Variants in SCAPER observed in about 807,000 individuals in gnomAD.
The protein encoded by SCAPER is S phase cyclin A-associated protein in the endoplasmic reticulum.
SCAPER carries 98 observed loss-of-function variants against 182.2 expected under a neutral mutation model. That is an observed-to-expected ratio of 0.54 (90% CI 0.46 to 0.64). SCAPER has a LOEUF of 0.64. Among genes scored for constraint, SCAPER ranks in the 30% least tolerant of loss-of-function variants. The pLI is 0.00. For synonymous variants in SCAPER, 605 were observed against 564.6 expected, an observed-to-expected ratio of 1.07 and a Z score of -1.01; for missense variants, 1,432 against 1,690.0, an observed-to-expected ratio of 0.85 and a Z score of 2.68.
At chr15:76,487,914 T>C (rs1312507239) in intron 24 of SCAPER, among the ~76,000 whole-genome samples, 1 of 152,096 alleles carries the variant, frequency 6.6e-6, no homozygotes, top group Non-Finnish European at 1.5e-5. Context: ...CTGATTTAAT[T>C]TGATGGGAAA....
At chr15:76,542,056 G>A (rs157769) in intron 23 of SCAPER, among the ~76,000 whole-genome samples, 15,369 of 152,122 alleles carry the variant, frequency 0.1, 917 homozygotes, top group African/African-American at 0.16. Flanking sequence ...AAAAGGAGAA[G>A]CATTGAAAAC....
intron 17 of SCAPER, among the ~76,000 whole-genome samples, chr15:76,728,386 G>T (rs894334946): frequency 1.6e-4 from 24 of 151,854 alleles, no homozygotes; most frequent in East Asian, 1.2e-3. Context: ...TATATTTTTT[G>T]ATTTGAGTGT....
chr15:76,371,412 C>CAGGT (rs898579018), intron 29 of SCAPER, among the ~76,000 whole-genome samples: 1 of 151,714 alleles, frequency 6.6e-6, no homozygotes, highest in African/African-American at 2.4e-5. Flanking sequence ...CTCCGCCTCC[C>CAGGT]AGGTTCATGC....
chr15:76,552,774 G>A (rs977140258), intron 23 of SCAPER, among the ~76,000 whole-genome samples: 1 of 152,082 alleles, frequency 6.6e-6, no homozygotes, highest in African/African-American at 2.4e-5. Context: ...GTCAAGCACT[G>A]CTAGATGGCT....
chr15:76,447,256 C>T (rs1228498083), intron 25 of SCAPER, among the ~76,000 whole-genome samples: 1 of 152,144 alleles, frequency 6.6e-6, no homozygotes, highest in Non-Finnish European at 1.5e-5. Context: ...TTTTCCTCAT[C>T]CTATAAATCT....
intron 25 of SCAPER, among the ~76,000 whole-genome samples, chr15:76,455,103 T>C (rs1429041491): frequency 6.6e-6 from 1 of 152,164 alleles, no homozygotes; most frequent in African/African-American, 2.4e-5. Context: ...CAATTCTAAT[T>C]TATGAAGCCT....
chr15:76,595,257 T>C (rs1260826274), intron 22 of SCAPER, among the ~76,000 whole-genome samples: 1 of 121,268 alleles, frequency 8.2e-6, no homozygotes, highest in East Asian at 2.2e-4. Flanking sequence ...GGTAAAGGGA[T>C]CAATGCAACA....
rs894133283 is a variant in SCAPER, at chr15:76,530,085, G to A, written c.2839-25111C>T. Among the ~76,000 whole-genome samples the A allele has an allele frequency of 2.6e-5, 4 of 152,252 alleles. No homozygotes were observed. In the East Asian group the frequency reaches 7.7e-4, roughly 29 times the overall value. On this transcript the variant is annotated intron_variant, in intron 23 of 31. Transcript: ENST00000563290. ...GAGCAGGGTCTGACACACAGTTTAG[G>A]CATTCATATTGCTGGAGGAATGATC...
intron 22 of SCAPER, among the ~76,000 whole-genome samples, chr15:76,621,514 T>C (rs1265033394): frequency 6.6e-6 from 1 of 152,152 alleles, no homozygotes; most frequent in Non-Finnish European, 1.5e-5. Flanking sequence ...CTGAATAATA[T>C]ATAGCAGAAT....
intron 14 of SCAPER, among the ~76,000 whole-genome samples, chr15:76,763,816 C>T (rs866065289): frequency 1.4e-4 from 21 of 152,140 alleles, no homozygotes; most frequent in Admixed American, 3.3e-4. Flanking sequence ...TTCTTTCTCA[C>T]GGCTTCACTT....
rs552898735 is a variant in SCAPER, at chr15:76,840,994, T to C, written c.393+740A>G. On this transcript the variant is annotated intron_variant, in intron 5 of 31. Transcript: ENST00000563290. Reference sequence around the variant, plus strand: ...ATTAGAAGAGTGATAAGTATCTCAATGGAAAGGGAGTAATGTCCAATTAGA... The same window carrying C: ...ATTAGAAGAGTGATAAGTATCTCAACGGAAAGGGAGTAATGTCCAATTAGA... Among the ~76,000 whole-genome samples the C allele has an allele frequency of 4.1e-4, 62 of 152,258 alleles. 1 individual carries two copies. The South Asian group carries it at 0.012, about 31-fold the overall frequency.
intron 29 of SCAPER, among the ~76,000 whole-genome samples, chr15:76,368,559 T>C (rs1365522773): frequency 6.6e-6 from 1 of 152,262 alleles, no homozygotes; most frequent in Admixed American, 6.5e-5. Flanking sequence ...TTGCCTGTTC[T>C]GATCCGCCCA....
intron 23 of SCAPER, among the ~76,000 whole-genome samples, chr15:76,517,054 T>G (rs1334927124): frequency 6.6e-6 from 1 of 152,120 alleles, no homozygotes; most frequent in Non-Finnish European, 1.5e-5. Context: ...AGCTGGGGAC[T>G]GAGTCTAGGT....
At chr15:76,887,864 T>C (rs1007335153) in intron 1 of SCAPER, among the ~76,000 whole-genome samples, 2 of 152,212 alleles carry the variant, frequency 1.3e-5, no homozygotes, top group Non-Finnish European at 2.9e-5. Context: ...CATGGGTCCC[T>C]GACCCCCGTG....
chr15:76,591,937 G>A (rs1488362830), intron 22 of SCAPER, among the ~76,000 whole-genome samples: 1 of 152,092 alleles, frequency 6.6e-6, no homozygotes, highest in African/African-American at 2.4e-5. Context: ...GCGCATGCCT[G>A]TAGTCCCAGC....
At chr15:76,538,140 T>C (rs1348645487) in intron 23 of SCAPER, among the ~76,000 whole-genome samples, 4 of 146,162 alleles carry the variant, frequency 2.7e-5, no homozygotes, top group African/African-American at 7.6e-5. Flanking sequence ...AGTTCAACCA[T>C]TGTGGAAGTC....
chr15:76,729,865 A>G (rs1288679426), intron 16 of SCAPER, among the ~76,000 whole-genome samples: 3 of 152,108 alleles, frequency 2.0e-5, no homozygotes, highest in Admixed American at 2.0e-4. Context: ...TGTCACTAAC[A>G]TGTTCCTCAT....
intron 22 of SCAPER, among the ~76,000 whole-genome samples, chr15:76,595,136 CATG>C: frequency 8.3e-6 from 1 of 120,714 alleles, no homozygotes; most frequent in Non-Finnish European, 2.0e-5. Flanking sequence ...GAGGAAGATC[CATG>C]AAGCAAATGA....
At chr15:76,412,567 AG>A (rs1334105131) in intron 26 of SCAPER, among the ~76,000 whole-genome samples, 2 of 152,192 alleles carry the variant, frequency 1.3e-5, no homozygotes, top group East Asian at 3.9e-4. Flanking sequence ...GTATTTGTGT[AG>A]GTCTATTTCT....
Sources: allele counts gnomAD v4.1 joint callset (sites outside exome capture counted in the v4.1 genomes callset), GRCh38; gene constraint gnomAD v4.1.1; transcripts MANE v1.5; gene names NCBI Gene and HGNC (gene_info 2026-07-23, HGNC 2026-07-21).